LYRM4: variants seen among roughly 807,000 people sequenced by gnomAD.
The protein encoded by LYRM4 is LYR motif containing 4, also known as LYR motif-containing protein 4.
A neutral mutation model predicts 11.7 loss-of-function variants in LYRM4; 9 were observed. That is an observed-to-expected ratio of 0.77 (90% CI 0.46 to 1.34). The LOEUF (loss-of-function observed/expected upper bound fraction) is 1.34. Among genes scored for constraint, LYRM4 ranks in the 40% most tolerant of loss-of-function variants. LYRM4 has a pLI of 0.00. For synonymous variants in LYRM4, 42 were observed against 40.4 expected, an observed-to-expected ratio of 1.04 and a Z score of -0.15; for missense variants, 133 against 112.5, an observed-to-expected ratio of 1.18 and a Z score of -0.82.
At chr6:5,086,486 C>G in the LYRM4 span, 2 of 1,537,510 alleles carry the variant, frequency 1.3e-6, no homozygotes, top group South Asian at 1.2e-5. Context: ...TACCGCTGCG[C>G]GCAGGGCGAG....
chr6:5,212,858 A>G (rs1197215009), intron 2 of LYRM4, among the ~76,000 whole-genome samples: 1 of 152,214 alleles, frequency 6.6e-6, no homozygotes, highest in Non-Finnish European at 1.5e-5. Flanking sequence ...GGCCATAATC[A>G]TGGAAAATGG....
intron 1 of LYRM4, among the ~76,000 whole-genome samples, chr6:5,243,062 C>T (rs191466071): frequency 2.6e-5 from 4 of 152,078 alleles, no homozygotes; most frequent in Non-Finnish European, 5.9e-5. Flanking sequence ...CGTGAGCCAC[C>T]GCGCCCGGCC....
chr6:5,146,548 G>GCTA (rs1176151796), intron 2 of LYRM4, among the ~76,000 whole-genome samples: 16 of 152,178 alleles, frequency 1.1e-4, no homozygotes, highest in Non-Finnish European at 7.4e-5. Context: ...CCACTCCACA[G>GCTA]CTACCCTCCT....
the LYRM4 span, among the ~76,000 whole-genome samples, chr6:5,057,288 C>T: frequency 2.0e-5 from 3 of 152,300 alleles, no homozygotes; most frequent in African/African-American, 2.4e-5. Context: ...GCACGGGCTT[C>T]GACCTGAAGG....
At chr6:5,100,338 G>A (rs1328158011), downstream of LYRM4, among the ~76,000 whole-genome samples, 3 of 152,124 alleles carry the variant, frequency 2.0e-5, no homozygotes, top group Non-Finnish European at 4.4e-5. Flanking sequence ...CAGCAGGAAC[G>A]GTCCCTGCCT....
intron 1 of LYRM4, among the ~76,000 whole-genome samples, chr6:5,234,227 T>C (rs555709958): frequency 9.8e-5 from 15 of 152,348 alleles, no homozygotes; most frequent in African/African-American, 3.6e-4. Context: ...TTCACTATTA[T>C]TTAAATTATT....
chr6:5,205,347 C>T (rs1183488071), intron 2 of LYRM4, among the ~76,000 whole-genome samples: 1 of 151,938 alleles, frequency 6.6e-6, no homozygotes, highest in Non-Finnish European at 1.5e-5. Context: ...AGGCCCAGCC[C>T]TCCGGCATCC....
At chr6:5,216,490 C>A in intron 2 of LYRM4, 128 bp downstream of exon 2, 1 of 1,070,580 alleles carries the variant, frequency 9.3e-7, no homozygotes, top group Non-Finnish European at 1.4e-6. Flanking sequence ...TGTATTAGTA[C>A]AAGGAACAGA....
At chr6:5,163,909 G>A (rs1758917026) in intron 2 of LYRM4, among the ~76,000 whole-genome samples, 1 of 152,040 alleles carries the variant, frequency 6.6e-6, no homozygotes, top group African/African-American at 2.4e-5. Flanking sequence ...CCCAGCCTAG[G>A]ACTGCATTAA....
At position 5,182,588 on chromosome 6, in the gene LYRM4, A is replaced by G. The variant is rs1256321066; in HGVS notation, c.207+34030T>C. 2.6e-5 allele frequency among the ~76,000 whole-genome samples: 4 copies of G among 152,362 alleles called. No individual in the cohort carries two copies. In the East Asian group the frequency reaches 7.7e-4, roughly 29 times the overall value. ...GAAAACCCATCAATACTTTAGTTGT[A>G]TATCATACACATCTCTCTCTTCATC... is the stretch of plus-strand genomic sequence containing the variant. On this transcript the variant is annotated intron_variant, in intron 2 of 2. Transcript: ENST00000330636.
At chr6:5,187,274 T>C (rs1213085075) in intron 2 of LYRM4, among the ~76,000 whole-genome samples, 1 of 152,194 alleles carries the variant, frequency 6.6e-6, no homozygotes, top group African/African-American at 2.4e-5. Context: ...TCAGTCCACA[T>C]TTTAAATGTT....
chr6:5,092,179 C>T, the LYRM4 span, among the ~76,000 whole-genome samples: 1 of 152,158 alleles, frequency 6.6e-6, no homozygotes, highest in Non-Finnish European at 1.5e-5. Context: ...GTTGAGGAAG[C>T]GTCCACTCTG....
chr6:5,112,007 T>C (rs1452846821), intron 2 of LYRM4, among the ~76,000 whole-genome samples: 1 of 152,180 alleles, frequency 6.6e-6, no homozygotes, highest in African/African-American at 2.4e-5. Flanking sequence ...CCTAGGGCGC[T>C]GGTGGGAACC....
At chr6:5,128,216 T>G (rs1763784320) in intron 2 of LYRM4, among the ~76,000 whole-genome samples, 1 of 152,194 alleles carries the variant, frequency 6.6e-6, no homozygotes, top group Non-Finnish European at 1.5e-5. Context: ...AATTTAGGTT[T>G]CTTACTGTCT....
intron 2 of LYRM4, among the ~76,000 whole-genome samples, chr6:5,154,779 A>T (rs111711146): frequency 2.0e-5 from 3 of 152,148 alleles, no homozygotes; most frequent in Non-Finnish European, 2.9e-5. Flanking sequence ...GGATCGCGCC[A>T]CTGCACTCCA....
the LYRM4 span, chr6:5,043,466 G>A: frequency 2.6e-4 from 39 of 152,020 alleles, no homozygotes; most frequent in Non-Finnish European, 4.6e-4. Flanking sequence ...GCAAATGATG[G>A]CCTTCTTTCT....
At chr6:5,183,516 A>T (rs1255358135) in intron 2 of LYRM4, among the ~76,000 whole-genome samples, 2 of 152,232 alleles carry the variant, frequency 1.3e-5, no homozygotes. Flanking sequence ...ACTTGCACCA[A>T]TGCAATAAAG....
intron 2 of LYRM4, among the ~76,000 whole-genome samples, chr6:5,143,400 A>C (rs1757516273): frequency 6.6e-6 from 1 of 152,236 alleles, no homozygotes; most frequent in African/African-American, 2.4e-5. Flanking sequence ...TGGCAATGTG[A>C]ATAATTCCTA....
chr6:5,254,887 C>T (rs577173909), intron 1 of LYRM4, among the ~76,000 whole-genome samples: 28 of 152,202 alleles, frequency 1.8e-4, no homozygotes, highest in African/African-American at 5.3e-4. Context: ...ACCAAAATTC[C>T]GGTGGGAGGT....
Sources: allele counts gnomAD v4.1 joint callset (sites outside exome capture counted in the v4.1 genomes callset), GRCh38; gene constraint gnomAD v4.1.1; transcripts MANE v1.5; gene names NCBI Gene and HGNC (gene_info 2026-07-23, HGNC 2026-07-21).